The following CFAP20DC variants were observed in gnomAD, a reference collection of about 807,000 sequenced individuals.
CFAP20DC encodes CFAP20 domain containing, also known as protein CFAP20DC.
A neutral mutation model predicts 101.7 loss-of-function variants in CFAP20DC; 84 were observed. The ratio of observed to expected loss-of-function variants is 0.83; its 90% confidence interval spans 0.69 to 0.99. CFAP20DC has a LOEUF of 0.99. Ranked by LOEUF, CFAP20DC falls within the 50% of genes least tolerant of loss-of-function variation. The pLI, the probability that CFAP20DC is intolerant of heterozygous loss-of-function variation, is 0.00. For missense variants in CFAP20DC, 1,007 were observed against 970.3 expected, an observed-to-expected ratio of 1.04 and a Z score of -0.50; for synonymous variants, 359 against 351.2, an observed-to-expected ratio of 1.02 and a Z score of -0.25.
intron 3 of CFAP20DC, among the ~76,000 whole-genome samples, chr3:58,735,469 G>T (rs866756950): frequency 6.6e-6 from 1 of 152,178 alleles, no homozygotes; most frequent in African/African-American, 2.4e-5. Flanking sequence ...ACTCTCAAAC[G>T]TCACTGCTAC....
At chr3:58,734,463 A>C (rs2067706685) in intron 3 of CFAP20DC, 1 of 443,626 alleles carries the variant, frequency 2.3e-6, no homozygotes, top group Admixed American at 2.5e-5. Flanking sequence ...ACATTTACTG[A>C]GTGCTTACCA....
intron 6 of CFAP20DC, among the ~76,000 whole-genome samples, chr3:58,911,493 C>A (rs1317993442): frequency 6.6e-6 from 1 of 151,914 alleles, no homozygotes; most frequent in Non-Finnish European, 1.5e-5. Context: ...TTGTAGGATG[C>A]TTGTAATGCT....
intron 4 of CFAP20DC, among the ~76,000 whole-genome samples, chr3:59,016,200 A>C (rs1346726347): frequency 6.6e-6 from 1 of 152,188 alleles, no homozygotes; most frequent in African/African-American, 2.4e-5. Flanking sequence ...CAGCCATAAA[A>C]GGGATGAAAT....
At chr3:58,807,323 G>C (rs1409779350) in intron 14 of CFAP20DC, among the ~76,000 whole-genome samples, 1 of 152,146 alleles carries the variant, frequency 6.6e-6, no homozygotes, top group Non-Finnish European at 1.5e-5. Flanking sequence ...CCCCCAGTAG[G>C]GGCAGACTGA....
At chr3:58,937,568 C>T (rs1381419184) in intron 5 of CFAP20DC, 80 bp downstream of exon 5, 14 of 860,710 alleles carry the variant, frequency 1.6e-5, no homozygotes, top group African/African-American at 8.4e-5. Flanking sequence ...TAACAAAGTA[C>T]CTCACATATG....
chr3:58,990,035 A>C (rs1049506185), intron 4 of CFAP20DC, among the ~76,000 whole-genome samples: 3 of 152,180 alleles, frequency 2.0e-5, no homozygotes, highest in Non-Finnish European at 4.4e-5. Context: ...TTAAATGCCT[A>C]AGAGGTGCCT....
At chr3:59,000,758 G>A (rs2093286188) in intron 4 of CFAP20DC, among the ~76,000 whole-genome samples, 1 of 152,180 alleles carries the variant, frequency 6.6e-6, no homozygotes, top group Non-Finnish European at 1.5e-5. Context: ...TTCCAGGGAT[G>A]AGAGTAGAGT....
At position 58,882,511 on chromosome 3, in the gene CFAP20DC, C is replaced by T. The variant is rs986404134; in HGVS notation, c.715+2034G>A. ...CTGATATGCTTTATAGTTTAGCATT[C>T]GTTATTGAAAGTTATCATAGCATAT... On this transcript the variant is annotated intron_variant, in intron 7 of 16. Coordinates refer to ENST00000482387, the MANE Select transcript of CFAP20DC (RefSeq NM_001394063.1). The surrounding 1 kb of genome is among the most constrained non-coding windows in gnomAD (Gnocchi z 4.2). 1.1e-4 allele frequency among the ~76,000 whole-genome samples: 16 copies of T among 152,148 alleles called. No individual in the cohort carries two copies. In the East Asian group the frequency reaches 2.3e-3, roughly 22 times the overall value.
chr3:58,776,885 T>C (rs894142664), intron 15 of CFAP20DC, among the ~76,000 whole-genome samples: 3 of 152,048 alleles, frequency 2.0e-5, no homozygotes, highest in Non-Finnish European at 4.4e-5. Flanking sequence ...ATTTGAGGTC[T>C]GGGATTCAAT....
intron 4 of CFAP20DC, among the ~76,000 whole-genome samples, chr3:59,022,254 AG>A (rs1397300247): frequency 6.6e-6 from 1 of 152,096 alleles, no homozygotes; most frequent in Non-Finnish European, 1.5e-5. Flanking sequence ...TAGAGGCTAG[AG>A]AGTAAGAAGT....
At chr3:58,852,078 G>C (rs1206850951) in intron 12 of CFAP20DC, among the ~76,000 whole-genome samples, 2 of 152,062 alleles carry the variant, frequency 1.3e-5, no homozygotes, top group Admixed American at 6.6e-5. Context: ...CTTTGCTGCT[G>C]ACTGGTCCAC....
At chr3:59,031,883 T>A (rs768221838) in intron 4 of CFAP20DC, among the ~76,000 whole-genome samples, 2 of 152,186 alleles carry the variant, frequency 1.3e-5, no homozygotes, top group Non-Finnish European at 2.9e-5. Context: ...TAGTATAAAA[T>A]CATCTTTCAA....
At chr3:58,910,161 T>C (rs182569273) in intron 6 of CFAP20DC, among the ~76,000 whole-genome samples, 2 of 152,256 alleles carry the variant, frequency 1.3e-5, no homozygotes, top group Admixed American at 6.5e-5. Flanking sequence ...GTTGATTCCA[T>C]GTATTTGCTA....
chr3:58,814,920 T>G (rs2074988870), intron 14 of CFAP20DC, among the ~76,000 whole-genome samples: 1 of 150,484 alleles, frequency 6.6e-6, no homozygotes, highest in South Asian at 2.1e-4. Flanking sequence ...ATCGTGAAAA[T>G]GGCCATACTG....
intron 5 of CFAP20DC, among the ~76,000 whole-genome samples, chr3:58,936,995 G>T (rs535029715): frequency 6.7e-6 from 1 of 149,808 alleles, no homozygotes; most frequent in South Asian, 2.1e-4. Context: ...TTAAAGGAAA[G>T]TATCAAGTGC....
chr3:58,774,239 C>T (rs980184237), intron 15 of CFAP20DC, among the ~76,000 whole-genome samples: 19 of 152,106 alleles, frequency 1.2e-4, no homozygotes, highest in Middle Eastern at 3.4e-3. Context: ...ATGCAAAGAA[C>T]CAATCTATGG....
intron 14 of CFAP20DC, among the ~76,000 whole-genome samples, chr3:58,811,048 TA>T (rs1224481682): frequency 6.6e-6 from 1 of 151,972 alleles, no homozygotes; most frequent in African/African-American, 2.4e-5. Flanking sequence ...CTCAGTGAAA[TA>T]AAAGAGGACA....
At chr3:58,920,072 C>CCTT (rs2085177902) in intron 5 of CFAP20DC, among the ~76,000 whole-genome samples, 3 of 46,806 alleles carry the variant, frequency 6.4e-5, no homozygotes, top group African/African-American at 2.5e-4. Context: ...GGTGGATATT[C>CCTT]TTTTTTTTTT....
intron 4 of CFAP20DC, among the ~76,000 whole-genome samples, chr3:58,986,518 C>A (rs1020610598): frequency 6.6e-6 from 1 of 152,082 alleles, no homozygotes; most frequent in African/African-American, 2.4e-5. Context: ...TATGGAAAAT[C>A]AAAAACAAAC....
Sources: allele counts gnomAD v4.1 joint callset (sites outside exome capture counted in the v4.1 genomes callset), GRCh38; gene constraint gnomAD v4.1.1; non-coding constraint Gnocchi (gnomAD v3.1); transcripts MANE v1.5; gene names NCBI Gene and HGNC (gene_info 2026-07-23, HGNC 2026-07-21).